ARHGAP44: variants seen among roughly 807,000 people sequenced by gnomAD.
ARHGAP44 encodes rho GTPase-activating protein 44.
In ARHGAP44, 43 loss-of-function variants were observed where a neutral mutation model predicts 106.8. The observed-to-expected ratio is 0.40, with a 90% CI of 0.32 to 0.52. The LOEUF is 0.52. Among genes scored for constraint, ARHGAP44 ranks in the 20% least tolerant of loss-of-function variants. The pLI, the probability that ARHGAP44 is intolerant of heterozygous loss-of-function variation, is 0.48. For synonymous variants in ARHGAP44, 439 were observed against 410.3 expected (o/e 1.07, Z -0.85); for missense variants, 866 against 1,050.5 (o/e 0.82, Z 2.43).
chr17:12,857,678 A>C (rs79171593), intron 1 of ARHGAP44, among the ~76,000 whole-genome samples: 3,935 of 152,282 alleles, frequency 0.026, 165 homozygotes, highest in African/African-American at 0.086. Flanking sequence ...TTGGAGCTAG[A>C]TGTCTTTTAT....
chr17:12,915,146 C>A (rs2037868889), intron 4 of ARHGAP44, among the ~76,000 whole-genome samples: 1 of 152,218 alleles, frequency 6.6e-6, no homozygotes, highest in Non-Finnish European at 1.5e-5. Flanking sequence ...ACAAGTGATT[C>A]TCGTGCCTCA....
Position 12,990,357 on chromosome 17 carries a change from T to C in ARHGAP44, c.*186T>C, listed in dbSNP as rs2040099075. ...GTGTGGTGATGCTGGTGGTGCAGGT[T>C]TTGTTTGTTCCTTTCGGGTGGTGAC... On this transcript the variant is annotated 3_prime_UTR_variant, in exon 21 of 21. Coordinates refer to ENST00000379672, the MANE Select transcript of ARHGAP44 (RefSeq NM_014859.6). 5.3e-6 allele frequency: 4 copies of C among 753,806 alleles called. No homozygotes were observed. The East Asian group carries it at 1.1e-4, about 21-fold the overall frequency. The allele number at this position is 753,806 out of a possible 1,614,324, so 46.7% of individuals were successfully genotyped here.
At chr17:12,820,423 A>G (rs2034733256) in intron 1 of ARHGAP44, among the ~76,000 whole-genome samples, 1 of 152,186 alleles carries the variant, frequency 6.6e-6, no homozygotes, top group Admixed American at 6.6e-5. Flanking sequence ...ATTACCAGTT[A>G]TGATAGGTGG....
chr17:12,959,192 A>C, intron 16 of ARHGAP44: 1 of 383,992 alleles, frequency 2.6e-6, no homozygotes, highest in Non-Finnish European at 4.9e-6. Flanking sequence ...AAAAATACAT[A>C]CGCACTTTAT....
chr17:12,815,238 G>T (rs925906955), intron 1 of ARHGAP44, among the ~76,000 whole-genome samples: 7 of 152,056 alleles, frequency 4.6e-5, no homozygotes, highest in African/African-American at 1.7e-4. Flanking sequence ...TCCCCTAAAG[G>T]TTATCCTGTA....
Position 12,954,121 on chromosome 17 carries a change from C to T in ARHGAP44, c.1136+1540C>T, listed in dbSNP as rs35770676. Among the ~76,000 whole-genome samples the T allele has an allele frequency of 8.0e-3, 1,208 of 151,224 alleles. 29 individuals are homozygous for T. In the South Asian group the frequency reaches 0.11, roughly 13 times the overall value. On this transcript the variant is annotated intron_variant, in intron 13 of 20. Coordinates refer to ENST00000379672, the MANE Select transcript of ARHGAP44 (RefSeq NM_014859.6). ...CCATGTTAGCCAGGCTGGTCTCAAA[C>T]TCCTGGCCACAGGTGATCCGCCCGC...
chr17:12,943,595 A>C lies in ARHGAP44; in HGVS notation c.659A>C (p.Glu220Ala). 1 of 1,613,802 alleles carries C rather than the reference A, an allele frequency of 6.2e-7. No individual in the cohort carries two copies. ...DYANYFQTLIEVQAEYHRKSL... is the reference protein window; with the variant it reads ...DYANYFQTLIAVQAEYHRKSL... ...TGCCTTGTGTCTTCTCAGCTAATAG[A>C]AGTGCAAGCTGAATACCACAGGAAG... The change falls in exon 9 of 21, where the codon GAA (glutamate) becomes GCA (alanine). Residue 220 changes from glutamate to alanine, a missense_variant. This residue lies in a region of ARHGAP44 where 448 missense variants were observed against 646.9 expected (regional missense o/e 0.69). Transcript: ENST00000379672.
intron 10 of ARHGAP44, among the ~76,000 whole-genome samples, chr17:12,947,617 C>T (rs1270791225): frequency 2.0e-5 from 3 of 152,222 alleles, no homozygotes; most frequent in Non-Finnish European, 1.5e-5. Context: ...TAACAATCCC[C>T]TCCTCCACCT....
intron 1 of ARHGAP44, among the ~76,000 whole-genome samples, chr17:12,882,719 A>G (rs1044970341): frequency 6.6e-6 from 1 of 152,062 alleles, no homozygotes; most frequent in Non-Finnish European, 1.5e-5. Flanking sequence ...TAATTTGTGC[A>G]TGTGATGAAT....
intron 20 of ARHGAP44, chr17:12,988,870 T>C (rs112037498): frequency 0.29 from 42,424 of 144,062 alleles, 6,190 homozygotes; most frequent in South Asian, 0.35. Context: ...CCTGAGGTCA[T>C]GAGTTCGAGA....
intron 1 of ARHGAP44, among the ~76,000 whole-genome samples, chr17:12,810,682 G>C (rs2034411267): frequency 6.6e-6 from 1 of 152,148 alleles, no homozygotes; most frequent in Non-Finnish European, 1.5e-5. Context: ...GCACATTGAT[G>C]TGCTAGGAGG....
rs1446106978 is a variant in ARHGAP44 at position 12,958,017 on chromosome 17, G to A, written c.1343-700G>A. On this transcript the variant is annotated intron_variant, in intron 15 of 20. Coordinates refer to ENST00000379672, the MANE Select transcript of ARHGAP44 (RefSeq NM_014859.6). The surrounding 1 kb of genome is among the most constrained non-coding windows in gnomAD (Gnocchi z 4.1). The stretch of plus-strand genomic sequence containing the variant: ...GTTGATAACAGAGTTGGGTGGGTGT[G>A]GGAAATCAAGATAAAGAAATAAAGG... Among the ~76,000 whole-genome samples, 1 of 152,140 alleles carries A rather than the reference G, an allele frequency of 6.6e-6. No individual in the cohort carries two copies. Among genetic ancestry groups the A allele is most frequent in the African/African-American group, 2.4e-5 (1 of 41,432 alleles).
At chr17:12,970,365 C>CAAA (rs66577680) in intron 16 of ARHGAP44, among the ~76,000 whole-genome samples, 25 of 55,110 alleles carry the variant, frequency 4.5e-4, no homozygotes, top group African/African-American at 8.2e-4. Flanking sequence ...GACCCTGTCT[C>CAAA]AAAAAAAAAA....
At chr17:12,956,881 ACACACAC>A in intron 15 of ARHGAP44, 135 bp downstream of exon 15, 1 of 652,318 alleles carries the variant, frequency 1.5e-6, no homozygotes, top group Admixed American at 2.4e-5. Context: ...ACACACACAC[ACACACAC>A]GCATGCAGAC....
At chr17:12,919,122 A>G (rs1487341044) in intron 5 of ARHGAP44, among the ~76,000 whole-genome samples, 1 of 152,206 alleles carries the variant, frequency 6.6e-6, no homozygotes, top group Non-Finnish European at 1.5e-5. Flanking sequence ...TGCTAAGAGG[A>G]TAGATCTTCA....
Position 12,949,603 on chromosome 17 carries a change from C to A in ARHGAP44, c.974-46C>A. ...CAGTGCTGGCTGGTGGGTCTTGCCT[C>A]TGCCACATCATAACAGTTCACAACC... is the stretch of plus-strand genomic sequence containing the variant. On this transcript the variant is annotated intron_variant, in intron 11 of 20. Transcript: ENST00000379672. This position sits in a 1 kb window ranked among gnomAD's most constrained non-coding sequence, Gnocchi z 4.1. The A allele has an allele frequency of 6.3e-7, 1 of 1,592,118 alleles. No individual in the cohort carries two copies. Among genetic ancestry groups the A allele is most frequent in the South Asian group, 1.1e-5 (1 of 90,188 alleles).
intron 19 of ARHGAP44, 67 bp downstream of exon 19, chr17:12,980,300 G>A (rs751637129): frequency 7.0e-5 from 104 of 1,496,130 alleles, no homozygotes; most frequent in Non-Finnish European, 8.5e-5. Context: ...CTGAAGGCTC[G>A]TTTTCCTCTA....
chr17:12,913,968 CAAAAA>C (rs58231055), intron 4 of ARHGAP44, among the ~76,000 whole-genome samples: 1 of 63,444 alleles, frequency 1.6e-5, no homozygotes, highest in Non-Finnish European at 2.9e-5. Context: ...GATTTTGTCT[CAAAAA>C]AAAAAAAAAA....
At chr17:12,944,743 C>G (rs61611104) in intron 10 of ARHGAP44, among the ~76,000 whole-genome samples, 1 of 151,708 alleles carries the variant, frequency 6.6e-6, no homozygotes, top group African/African-American at 2.4e-5. Context: ...CCTGCCATGG[C>G]CTCCCAAAGT....
Sources: gnomAD v4.1 joint callset for allele counts (sites outside exome capture counted in the v4.1 genomes callset) on GRCh38, gnomAD v4.1.1 for gene constraint, gnomAD v4.1.1 regional missense constraint, Gnocchi (gnomAD v3.1) non-coding constraint, MANE v1.5 for transcripts, NCBI Gene and HGNC (gene_info 2026-07-23, HGNC 2026-07-21) for gene names.